Variants in TCF4 observed in about 807,000 individuals in gnomAD.
TCF4 encodes transcription factor 4, also known as SL3-3 enhancer factor 2.
Under a neutral mutation model 82.1 loss-of-function variants are expected in TCF4, and 3 were observed. The ratio of observed to expected loss-of-function variants is 0.04; its 90% confidence interval spans 0.02 to 0.09. TCF4 has a LOEUF of 0.09. Among genes scored for constraint, TCF4 ranks in the 10% least tolerant of loss-of-function variants. The pLI, the probability that TCF4 is intolerant of heterozygous loss-of-function variation, is 1.00. For missense variants in TCF4, 518 were observed against 852.7 expected (o/e 0.61, Z 4.89); for synonymous variants, 276 against 309.6 (o/e 0.89, Z 1.14).
intron 8 of TCF4, among the ~76,000 whole-genome samples, chr18:55,308,761 C>A (rs1360264051): frequency 1.3e-5 from 2 of 152,142 alleles, no homozygotes; most frequent in East Asian, 1.9e-4. Context: ...TAAAGTGCTA[C>A]AAGGTAGCAT....
At position 55,427,491 on chromosome 18, in the gene TCF4, G is replaced by A. The variant is rs191520320; in HGVS notation, c.305-23973C>T. The stretch of plus-strand genomic sequence containing the variant: ...GCAAAGTGGATCTGAGAGTCAAACC[G>A]CCTGGGTTTGAATCCTAGCTCCAAA... On this transcript the variant is annotated intron_variant, in intron 5 of 19. Coordinates refer to ENST00000354452, the MANE Select transcript of TCF4 (RefSeq NM_001083962.2). Among the ~76,000 whole-genome samples, 237 of 152,242 alleles carry A rather than the reference G, an allele frequency of 1.6e-3. 3 individuals carry two copies. Among genetic ancestry groups the A allele is most frequent in the Non-Finnish European group, 8.4e-4 (57 of 67,998 alleles).
chr18:55,322,257 CTCTT>C (rs1424861158), intron 8 of TCF4: 19 of 1,054,352 alleles, frequency 1.8e-5, no homozygotes, highest in South Asian at 9.2e-5. Flanking sequence ...CTCTCTCCCT[CTCTT>C]TCTTTTTTGT....
At chr18:55,406,710 C>T (rs189288999) in intron 5 of TCF4, among the ~76,000 whole-genome samples, 1 of 152,278 alleles carries the variant, frequency 6.6e-6, no homozygotes, top group East Asian at 1.9e-4. Flanking sequence ...CAGCCTCTTT[C>T]CTCCTTTCTC....
chr18:55,306,761 TG>T (rs370230559), intron 8 of TCF4, among the ~76,000 whole-genome samples: 224 of 152,346 alleles, frequency 1.5e-3, no homozygotes, highest in African/African-American at 5.1e-3. Context: ...CTTTACTCCC[TG>T]GGTTGCAAAG....
In TCF4 at chr18:55,223,360, T is replaced by G. The variant is rs186919387; in HGVS notation, c.*4675A>C. ...TTAAGCTGTCAATACCTCCAACACT[T>G]GGAAAATGAAATATAGATGCGTTTT... On this transcript the variant is annotated 3_prime_UTR_variant, in exon 20 of 20. Transcript: ENST00000354452. 6.5e-6 allele frequency: 1 copy of G among 152,738 alleles called. No individual in the cohort carries two copies. Among genetic ancestry groups the G allele is most frequent in the East Asian group, 1.9e-4 (1 of 5,186 alleles). The allele number at this position is 152,738 out of a possible 1,614,324, so 9.5% of individuals were successfully genotyped here. A position where few individuals can be genotyped will look rare whatever the true frequency, so the allele number is the denominator to read the frequency against.
chr18:55,257,204 G>A, intron 14 of TCF4, 111 bp downstream of exon 14: 1 of 1,144,406 alleles, frequency 8.7e-7, no homozygotes, highest in Non-Finnish European at 1.3e-6. Flanking sequence ...GCTTAATGCT[G>A]ACTTAAAGTT....
At chr18:55,401,867 G>A in intron 6 of TCF4, 4 of 877,592 alleles carry the variant, frequency 4.6e-6, no homozygotes, top group South Asian at 5.2e-5. Flanking sequence ...CCTCTGCCAT[G>A]ACCATCTGCA....
intron 14 of TCF4, among the ~76,000 whole-genome samples, 198 bp from the exon 15 acceptor site, chr18:55,254,898 T>C (rs2056396467): frequency 1.3e-5 from 2 of 152,210 alleles, no homozygotes; most frequent in Admixed American, 6.5e-5. Context: ...AAAATTATAG[T>C]GTTATTTTTC....
At chr18:55,392,259 C>G (rs1469096631) in intron 6 of TCF4, among the ~76,000 whole-genome samples, 1 of 151,444 alleles carries the variant, frequency 6.6e-6, no homozygotes, top group Non-Finnish European at 1.5e-5. Flanking sequence ...GCCATCATGC[C>G]CGGCCCAAAG....
intron 2 of TCF4, among the ~76,000 whole-genome samples, chr18:55,603,093 C>T (rs2097698864): frequency 6.6e-6 from 1 of 151,898 alleles, no homozygotes; most frequent in Non-Finnish European, 1.5e-5. Context: ...GCTTTGTGAC[C>T]CTAGAGCAGC....
chr18:55,261,397 T>C, intron 12 of TCF4, 69 bp downstream of exon 12: 1 of 1,566,410 alleles, frequency 6.4e-7, no homozygotes, highest in Admixed American at 1.7e-5. Context: ...AAATTCCAAA[T>C]GTCCACTTCT....
chr18:55,569,984 G>A (rs1467704025), intron 3 of TCF4, among the ~76,000 whole-genome samples: 1 of 152,096 alleles, frequency 6.6e-6, no homozygotes, highest in East Asian at 1.9e-4. Flanking sequence ...AAGTGGGGAG[G>A]AAGGGCTTTA....
chr18:55,367,938 C>A (rs548383146), intron 6 of TCF4, among the ~76,000 whole-genome samples: 15 of 152,274 alleles, frequency 9.9e-5, no homozygotes, highest in Non-Finnish European at 1.9e-4. Context: ...CTAAAACAAA[C>A]AGGTGAAAGA....
intron 3 of TCF4, among the ~76,000 whole-genome samples, chr18:55,518,252 A>C (rs2146435817): frequency 6.6e-6 from 1 of 152,278 alleles, no homozygotes; most frequent in Non-Finnish European, 1.5e-5. Flanking sequence ...ATTTATAGCT[A>C]ATATGAATTC....
intron 8 of TCF4, among the ~76,000 whole-genome samples, chr18:55,336,140 C>T (rs1388815099): frequency 6.6e-6 from 1 of 152,046 alleles, no homozygotes; most frequent in Non-Finnish European, 1.5e-5. Flanking sequence ...TCAGTTTCTA[C>T]TTCAGAGATC....
chr18:55,467,762 A>G (rs2096063736), intron 3 of TCF4, among the ~76,000 whole-genome samples: 1 of 152,108 alleles, frequency 6.6e-6, no homozygotes, highest in Admixed American at 6.6e-5. Context: ...GGTCTTTTAT[A>G]CCACCATGTT....
intron 3 of TCF4, among the ~76,000 whole-genome samples, chr18:55,575,472 A>G (rs1313578858): frequency 6.6e-6 from 1 of 152,266 alleles, no homozygotes; most frequent in African/African-American, 2.4e-5. Flanking sequence ...AATATTTCCA[A>G]TATAAATCCT....
chr18:55,485,642 A>G (rs1025489893), intron 3 of TCF4, among the ~76,000 whole-genome samples: 6 of 152,248 alleles, frequency 3.9e-5, no homozygotes, highest in Admixed American at 2.0e-4. Flanking sequence ...GGTAACGTTA[A>G]TGGCTACAAA....
intron 8 of TCF4, among the ~76,000 whole-genome samples, chr18:55,299,508 A>G (rs903183213): frequency 2.0e-5 from 3 of 149,586 alleles, no homozygotes; most frequent in African/African-American, 7.4e-5. Context: ...AAGAAGGAAG[A>G]TGTTAATGGC....
Sources: allele counts gnomAD v4.1 joint callset (sites outside exome capture counted in the v4.1 genomes callset), GRCh38; gene constraint gnomAD v4.1.1; transcripts MANE v1.5; gene names NCBI Gene and HGNC (gene_info 2026-07-23, HGNC 2026-07-21).